Variants in THSD4 observed in about 807,000 individuals in gnomAD.
THSD4 encodes the protein thrombospondin type-1 domain-containing protein 4.
THSD4 carries 69 observed loss-of-function variants against 119.0 expected under a neutral mutation model. That is an observed-to-expected ratio of 0.58 (90% CI 0.48 to 0.71). The LOEUF is 0.71. Among genes scored for constraint, THSD4 ranks in the 30% least tolerant of loss-of-function variants. The pLI is 0.00. For missense variants in THSD4, 1,393 were observed against 1,391.1 expected (o/e 1.00, Z -0.02); for synonymous variants, 524 against 540.4 (o/e 0.97, Z 0.42).
intron 4 of THSD4, among the ~76,000 whole-genome samples, chr15:71,217,023 C>G (rs890566159): frequency 6.6e-6 from 1 of 152,136 alleles, no homozygotes; most frequent in Non-Finnish European, 1.5e-5. Context: ...TCTTGAACTC[C>G]TGACCTCAAG....
chr15:71,602,553 C>CAAAAAAAAAA (rs59370074), intron 7 of THSD4, among the ~76,000 whole-genome samples: 5 of 53,898 alleles, frequency 9.3e-5, no homozygotes, highest in Admixed American at 3.2e-4. Context: ...AACTCTGTCT[C>CAAAAAAAAAA]AAAAAAAAAA....
At chr15:71,523,523 A>T (rs1255202673) in intron 7 of THSD4, among the ~76,000 whole-genome samples, 1 of 152,168 alleles carries the variant, frequency 6.6e-6, no homozygotes, top group Non-Finnish European at 1.5e-5. Context: ...GGACATGAGT[A>T]TATCTTTTGG....
chr15:71,773,034 G>A (rs28572320), intron 17 of THSD4, among the ~76,000 whole-genome samples: 113,114 of 151,466 alleles, frequency 0.75, 43,243 homozygotes, highest in African/African-American at 0.89. Context: ...CCCCATCTTG[G>A]CAAAAAACGC....
At chr15:71,581,205 A>G (rs1189056513) in intron 7 of THSD4, among the ~76,000 whole-genome samples, 1 of 152,090 alleles carries the variant, frequency 6.6e-6, no homozygotes, top group Non-Finnish European at 1.5e-5. Context: ...CCTTTTCCCC[A>G]CATTCTCACC....
intron 8 of THSD4, among the ~76,000 whole-genome samples, chr15:71,725,894 G>C (rs2052825734): frequency 3.9e-5 from 6 of 152,040 alleles, no homozygotes; most frequent in Admixed American, 3.9e-4. Context: ...CAATTCTCCT[G>C]CCTCAGCCTC....
intron 11 of THSD4, among the ~76,000 whole-genome samples, chr15:71,744,282 T>C (rs1015482708): frequency 6.6e-6 from 1 of 151,746 alleles, no homozygotes; most frequent in African/African-American, 2.4e-5. Flanking sequence ...GTTATAAACA[T>C]TCATTCAACA....
intron 10 of THSD4, among the ~76,000 whole-genome samples, chr15:71,735,471 T>TC (rs771985635): frequency 0.015 from 1,939 of 131,860 alleles, 21 homozygotes; most frequent in East Asian, 0.054. Flanking sequence ...TCTCTCTCTC[T>TC]TTCTCACTAG....
chr15:71,652,359 C>T (rs2051108762), intron 7 of THSD4, among the ~76,000 whole-genome samples: 1 of 152,142 alleles, frequency 6.6e-6, no homozygotes, highest in Non-Finnish European at 1.5e-5. Context: ...CGGCTCTACA[C>T]ATTAAAAGTA....
At chr15:71,632,514 G>A (rs1189648590) in intron 7 of THSD4, among the ~76,000 whole-genome samples, 1 of 152,224 alleles carries the variant, frequency 6.6e-6, no homozygotes, top group Non-Finnish European at 1.5e-5. Flanking sequence ...CCAGCATGTT[G>A]GAATTGTTAG....
At chr15:71,777,102 A>T in intron 17 of THSD4, 130 bp from the exon 18 acceptor site, 1 of 1,059,226 alleles carries the variant, frequency 9.4e-7, no homozygotes, top group Non-Finnish European at 1.4e-6. Context: ...CTTGGCACAC[A>T]TTCATACCCC....
In THSD4 at chr15:71,360,595, G is replaced by A. The variant is rs535273760; in HGVS notation, c.1016-51092G>A. 1.2e-4 allele frequency among the ~76,000 whole-genome samples: 18 copies of A among 152,190 alleles called. No homozygotes were observed. In the South Asian group the frequency reaches 3.3e-3, roughly 28 times the overall value. The stretch of plus-strand genomic sequence containing the variant: ...TTGCGCATCATTTTGGGTTCACTAC[G>A]GTACTCGGACTCTCTCCCCGGCATC... On this transcript the variant is annotated intron_variant, in intron 6 of 17. Coordinates refer to ENST00000261862, the MANE Select transcript of THSD4 (RefSeq NM_024817.3).
chr15:71,637,327 A>G (rs1567075287), intron 7 of THSD4, among the ~76,000 whole-genome samples: 2 of 152,280 alleles, frequency 1.3e-5, no homozygotes, highest in East Asian at 3.9e-4. Flanking sequence ...GCTTTCAGAA[A>G]CCATCTTGGG....
chr15:71,242,528 C>T (rs2044161548), intron 4 of THSD4, 121 bp from the exon 5 acceptor site: 4 of 1,062,254 alleles, frequency 3.8e-6, no homozygotes, highest in Admixed American at 2.2e-5. Context: ...CCAGTTCTAC[C>T]ATAGACCCTT....
intron 7 of THSD4, among the ~76,000 whole-genome samples, chr15:71,498,358 G>C (rs933325254): frequency 2.0e-5 from 3 of 152,218 alleles, no homozygotes; most frequent in Non-Finnish European, 2.9e-5. Context: ...GCTGTGTAAA[G>C]TGCCTGAAAT....
chr15:71,451,100 C>T (rs2047257764), intron 7 of THSD4, among the ~76,000 whole-genome samples: 1 of 152,108 alleles, frequency 6.6e-6, no homozygotes, highest in Non-Finnish European at 1.5e-5. Flanking sequence ...ATCACTTAAA[C>T]CCGGGAGGCA....
chr15:71,290,392 G>A (rs1028557429), intron 6 of THSD4, among the ~76,000 whole-genome samples: 7 of 151,824 alleles, frequency 4.6e-5, no homozygotes, highest in African/African-American at 1.2e-4. Context: ...AATTTTATGC[G>A]AAGTCCCAGG....
chr15:71,723,107 A>G (rs1227864102), intron 8 of THSD4, among the ~76,000 whole-genome samples: 1 of 151,518 alleles, frequency 6.6e-6, no homozygotes, highest in Non-Finnish European at 1.5e-5. Context: ...AAATGGGCAG[A>G]TAATATCCTT....
At chr15:71,353,328 G>T (rs572295614) in intron 6 of THSD4, among the ~76,000 whole-genome samples, 4 of 152,342 alleles carry the variant, frequency 2.6e-5, no homozygotes, top group Admixed American at 6.5e-5. Context: ...AACAAGGCAT[G>T]TGGATAAAAA....
chr15:71,586,055 A>G (rs1187135154), intron 7 of THSD4, among the ~76,000 whole-genome samples: 1 of 152,128 alleles, frequency 6.6e-6, no homozygotes, highest in Non-Finnish European at 1.5e-5. Flanking sequence ...TTCTTTGTCA[A>G]GCAGTTCATG....
Sources: allele counts gnomAD v4.1 joint callset (sites outside exome capture counted in the v4.1 genomes callset), GRCh38; gene constraint gnomAD v4.1.1; transcripts MANE v1.5; gene names NCBI Gene and HGNC (gene_info 2026-07-23, HGNC 2026-07-21).